ARL6IP6: variants seen among roughly 807,000 people sequenced by gnomAD.
ARL6IP6 encodes the protein ADP-ribosylation factor-like protein 6-interacting protein 6.
Under a neutral mutation model 21.5 loss-of-function variants are expected in ARL6IP6, and 22 were observed. That is an observed-to-expected ratio of 1.02 (90% CI 0.73 to 1.46). The LOEUF is 1.46. Ranked by LOEUF, ARL6IP6 falls within the 40% of genes most tolerant of loss-of-function variation. ARL6IP6 has a pLI of 0.00. For missense variants in ARL6IP6, 388 were observed against 299.8 expected (o/e 1.29, Z -2.17); for synonymous variants, 164 against 125.3 (o/e 1.31, Z -2.06).
chr2:152,717,766 G>A (rs995631257), upstream of ARL6IP6: 3 of 1,253,476 alleles, frequency 2.4e-6, no homozygotes, highest in Non-Finnish European at 3.0e-6. Flanking sequence ...CACCCCGTAG[G>A]GGGTGGGGCA....
intron 3 of ARL6IP6, among the ~76,000 whole-genome samples, chr2:152,753,081 A>G (rs947442785): frequency 6.6e-6 from 1 of 152,070 alleles, no homozygotes; most frequent in Non-Finnish European, 1.5e-5. Flanking sequence ...GGAGGCTGCA[A>G]CGAGCCATGA....
chr2:152,726,943 A>G (rs191321111), intron 2 of ARL6IP6, among the ~76,000 whole-genome samples: 3 of 152,326 alleles, frequency 2.0e-5, no homozygotes, highest in Admixed American at 2.0e-4. Context: ...CGTGCAGTAC[A>G]TAACATAATT....
Position 152,718,655 on chromosome 2 carries a change from G to A in ARL6IP6, c.31G>A (p.Ala11Thr), listed in dbSNP as rs1414214559. ...GTTTGCTGAGAGCGGGTGGCGGTCG[G>A]CTCTGCGGCGCCGCGGTCCCGGCAC... MSFAESGWRS[A>T]LRRRGPGTPG... The change falls in exon 1 of 4, where the codon GCT (alanine) becomes ACT (threonine). Residue 11 changes from alanine (A) to threonine (T), a missense_variant. Transcript: ENST00000326446. 6.4e-7 allele frequency: 1 copy of A among 1,561,962 alleles called. No homozygotes were observed. The highest frequency in any genetic ancestry group is 1.2e-5 in the South Asian group (1 of 84,080).
chr2:152,731,172 ATTTC>A (rs1489432467), intron 2 of ARL6IP6, among the ~76,000 whole-genome samples: 2 of 152,088 alleles, frequency 1.3e-5, no homozygotes, highest in Non-Finnish European at 2.9e-5. Context: ...AAAACAGGCT[ATTTC>A]TTCTTTCTGC....
chr2:152,757,903 A>G (rs1178790589), intron 3 of ARL6IP6, among the ~76,000 whole-genome samples: 1 of 152,212 alleles, frequency 6.6e-6, no homozygotes, highest in Non-Finnish European at 1.5e-5. Context: ...ATTCAATTCT[A>G]CCAACATTGT....
At chr2:152,744,627 A>T (rs571021752) in intron 3 of ARL6IP6, among the ~76,000 whole-genome samples, 22 of 152,254 alleles carry the variant, frequency 1.4e-4, no homozygotes, top group African/African-American at 4.8e-4. Flanking sequence ...TTTCACAGTT[A>T]ATATACAAAT....
At chr2:152,755,438 C>T (rs114257146) in intron 3 of ARL6IP6, among the ~76,000 whole-genome samples, 340 of 152,306 alleles carry the variant, frequency 2.2e-3, no homozygotes, top group African/African-American at 6.9e-3. Flanking sequence ...TCATTGGCCA[C>T]GCTCCTGGTC....
intron 3 of ARL6IP6, among the ~76,000 whole-genome samples, chr2:152,750,511 A>AGG (rs1701278226): frequency 6.6e-6 from 1 of 150,540 alleles, no homozygotes; most frequent in African/African-American, 2.4e-5. Context: ...AGAGAAAGGA[A>AGG]GGGAGGGAGG....
intron 3 of ARL6IP6, among the ~76,000 whole-genome samples, chr2:152,755,938 G>T (rs1701573827): frequency 6.6e-6 from 1 of 151,996 alleles, no homozygotes; most frequent in South Asian, 2.1e-4. Flanking sequence ...TTAAAAATTT[G>T]ACTTTTTGTC....
At chr2:152,736,447 C>G (rs1315968323) in intron 3 of ARL6IP6, among the ~76,000 whole-genome samples, 1 of 152,184 alleles carries the variant, frequency 6.6e-6, no homozygotes, top group South Asian at 2.1e-4. Context: ...TGCTTTGAAG[C>G]CATCAATATC....
intron 3 of ARL6IP6, among the ~76,000 whole-genome samples, chr2:152,747,317 A>G (rs1701102243): frequency 6.6e-6 from 1 of 152,172 alleles, no homozygotes; most frequent in Non-Finnish European, 1.5e-5. Flanking sequence ...TTCTGATCAT[A>G]TTAAACAATT....
intron 2 of ARL6IP6, among the ~76,000 whole-genome samples, chr2:152,726,036 C>A (rs1700031369): frequency 6.6e-6 from 1 of 152,146 alleles, no homozygotes; most frequent in Non-Finnish European, 1.5e-5. Flanking sequence ...ATAAATTTAA[C>A]AGGATTGCCC....
chr2:152,753,526 A>G (rs1253836623), intron 3 of ARL6IP6, among the ~76,000 whole-genome samples: 3 of 152,004 alleles, frequency 2.0e-5, no homozygotes, highest in African/African-American at 4.8e-5. Flanking sequence ...CATTTATTGT[A>G]TCAGTTGAAC....
At chr2:152,739,701 A>C (rs1700719584) in intron 3 of ARL6IP6, among the ~76,000 whole-genome samples, 1 of 152,204 alleles carries the variant, frequency 6.6e-6, no homozygotes, top group Non-Finnish European at 1.5e-5. Context: ...AACCCGCTCT[A>C]CCGGTACCAA....
chr2:152,732,227 T>C (rs13010731), intron 2 of ARL6IP6, among the ~76,000 whole-genome samples: 20,594 of 152,010 alleles, frequency 0.14, 1,758 homozygotes, highest in East Asian at 0.26. Flanking sequence ...GTAAAGAACA[T>C]ATATGTGCAT....
chr2:152,733,799 G>C (rs1281836089), intron 2 of ARL6IP6, among the ~76,000 whole-genome samples: 1 of 152,010 alleles, frequency 6.6e-6, no homozygotes, highest in Non-Finnish European at 1.5e-5. Flanking sequence ...TAGTTATCTT[G>C]TTAATTTACT....
At chr2:152,724,700 G>A (rs1699955897) in intron 2 of ARL6IP6, among the ~76,000 whole-genome samples, 1 of 152,182 alleles carries the variant, frequency 6.6e-6, no homozygotes, top group Non-Finnish European at 1.5e-5. Context: ...GAAGTCAAAA[G>A]TTAGCTGGCA....
At chr2:152,757,846 C>CTTA (rs1701659043) in intron 3 of ARL6IP6, among the ~76,000 whole-genome samples, 1 of 152,150 alleles carries the variant, frequency 6.6e-6, no homozygotes, top group African/African-American at 2.4e-5. Flanking sequence ...GCTTTGCCTG[C>CTTA]TTAGTAAGGA....
intron 3 of ARL6IP6, among the ~76,000 whole-genome samples, chr2:152,736,307 A>T (rs1161849110): frequency 6.6e-6 from 1 of 152,152 alleles, no homozygotes; most frequent in Non-Finnish European, 1.5e-5. Flanking sequence ...CAAAAAAGTA[A>T]TCGTATTTTT....
Sources: gnomAD v4.1 joint callset for allele counts (sites outside exome capture counted in the v4.1 genomes callset) on GRCh38, gnomAD v4.1.1 for gene constraint, MANE v1.5 for transcripts, NCBI Gene and HGNC (gene_info 2026-07-23, HGNC 2026-07-21) for gene names.